Variants in TNIK observed in about 807,000 individuals in gnomAD.
The protein encoded by TNIK is TRAF2 and NCK-interacting protein kinase.
TNIK carries 49 observed loss-of-function variants against 191.3 expected under a neutral mutation model. That is an observed-to-expected ratio of 0.26 (90% CI 0.20 to 0.32). The LOEUF (loss-of-function observed/expected upper bound fraction) is 0.32. Among genes scored for constraint, TNIK ranks in the 10% least tolerant of loss-of-function variants. The pLI, the probability that TNIK is intolerant of heterozygous loss-of-function variation, is 1.00. For missense variants in TNIK, 1,155 were observed against 1,702.3 expected (o/e 0.68, Z 5.66); for synonymous variants, 594 against 600.9 (o/e 0.99, Z 0.17).
At chr3:171,073,356 A>G (rs1400317482) in intron 28 of TNIK, among the ~76,000 whole-genome samples, 1 of 152,154 alleles carries the variant, frequency 6.6e-6, no homozygotes, top group African/African-American at 2.4e-5. Flanking sequence ...CTAGATCCTT[A>G]TCTCTTACCA....
At chr3:171,118,228 C>A (rs1263786491) in intron 18 of TNIK, among the ~76,000 whole-genome samples, 4 of 152,152 alleles carry the variant, frequency 2.6e-5, no homozygotes, top group Non-Finnish European at 5.9e-5. Context: ...ATCCAACTTA[C>A]AAGGGACGTG....
At chr3:171,113,011 T>C (rs191525455) in intron 18 of TNIK, among the ~76,000 whole-genome samples, 1 of 152,184 alleles carries the variant, frequency 6.6e-6, no homozygotes, top group African/African-American at 2.4e-5. Context: ...TATGAGTGTA[T>C]AAAGGTATGA....
intron 2 of TNIK, among the ~76,000 whole-genome samples, chr3:171,234,520 C>T (rs929141574): frequency 6.6e-6 from 1 of 152,132 alleles, no homozygotes; most frequent in Non-Finnish European, 1.5e-5. Flanking sequence ...CTCTGAGTGA[C>T]AGAAAATGGA....
intron 28 of TNIK, 96 bp downstream of exon 28, chr3:171,079,422 A>G: frequency 7.0e-7 from 1 of 1,421,910 alleles, no homozygotes. Context: ...TCACACATGC[A>G]TCATCAATCT....
intron 2 of TNIK, among the ~76,000 whole-genome samples, chr3:171,288,592 A>C (rs1212534510): frequency 1.3e-5 from 2 of 152,100 alleles, no homozygotes; most frequent in African/African-American, 4.8e-5. Flanking sequence ...GCAGATCACA[A>C]GGTCAGGAGA....
chr3:171,125,067 A>G (rs1027023502), intron 17 of TNIK, among the ~76,000 whole-genome samples: 2 of 152,198 alleles, frequency 1.3e-5, no homozygotes, highest in Admixed American at 1.3e-4. Flanking sequence ...TGTATTTGTA[A>G]TTGAGTAAAA....
chr3:171,277,510 A>G (rs947756048), intron 2 of TNIK, among the ~76,000 whole-genome samples: 1 of 152,186 alleles, frequency 6.6e-6, no homozygotes, highest in African/African-American at 2.4e-5. Flanking sequence ...TAAAAAAAAA[A>G]CAAATTTCAG....
At chr3:171,200,594 A>G (rs1362502211) in intron 4 of TNIK, among the ~76,000 whole-genome samples, 5 of 152,116 alleles carry the variant, frequency 3.3e-5, no homozygotes, top group Admixed American at 6.5e-5. Context: ...TATTTAAGTA[A>G]AGGGTCCTCA....
chr3:171,403,000 C>T (rs1167597515), intron 1 of TNIK, among the ~76,000 whole-genome samples: 1 of 152,162 alleles, frequency 6.6e-6, no homozygotes, highest in Non-Finnish European at 1.5e-5. Context: ...TCCTTCCTTT[C>T]TCTGAAAGCT....
chr3:171,249,436 C>A (rs972708599), intron 2 of TNIK, among the ~76,000 whole-genome samples: 1 of 152,170 alleles, frequency 6.6e-6, no homozygotes, highest in African/African-American at 2.4e-5. Context: ...CATTACTAGA[C>A]AAGACAGAGT....
intron 27 of TNIK, among the ~76,000 whole-genome samples, chr3:171,080,682 G>A (rs1036313497): frequency 7.9e-5 from 12 of 152,012 alleles, no homozygotes; most frequent in Admixed American, 3.9e-4. Flanking sequence ...CAAATGATCC[G>A]CCCGCCTCGG....
At chr3:171,067,779 C>G (rs984322395) in intron 30 of TNIK, among the ~76,000 whole-genome samples, 2 of 152,038 alleles carry the variant, frequency 1.3e-5, no homozygotes, top group Non-Finnish European at 2.9e-5. Context: ...GCCATGGCAG[C>G]CCAACATGTG....
chr3:171,299,455 G>A (rs1452484772), intron 2 of TNIK, among the ~76,000 whole-genome samples: 1 of 152,160 alleles, frequency 6.6e-6, no homozygotes, highest in Non-Finnish European at 1.5e-5. Flanking sequence ...GAAGTGTGGA[G>A]AGCCAACATG....
In TNIK at chr3:171,218,465, G is replaced by A. The variant is rs566242404; in HGVS notation, c.181-7224C>T. The stretch of plus-strand genomic sequence containing the variant: ...GCTAAAGTCTACCATAAATGGCGTG[G>A]CTTATATCTTCAAGGATCCTAGATT... On this transcript the variant is annotated intron_variant, in intron 3 of 32. Coordinates refer to ENST00000436636, the MANE Select transcript of TNIK (RefSeq NM_015028.4). Among the ~76,000 whole-genome samples, 202 of 151,586 alleles carry A rather than the reference G, an allele frequency of 1.3e-3. 1 individual carries two copies. Among genetic ancestry groups the A allele is most frequent in the Middle Eastern group, 0.01 (3 of 286 alleles).
chr3:171,126,221 C>G lies in TNIK; in HGVS notation c.1774-70G>C. The G allele has an allele frequency of 2.1e-6, 3 of 1,398,506 alleles. No individual in the cohort carries two copies. The South Asian group carries it at 5.3e-5, about 25-fold the overall frequency. 86.6% of individuals were successfully genotyped at this position (1,398,506 alleles called of 1,614,324 possible). ...AGAGATCAGCCAGTACCTCAGTGAG[C>G]TGAAGGAAAAAAAAAAAAAAGTTCA... On this transcript the variant is annotated intron_variant, in intron 16 of 32. Transcript: ENST00000436636.
intron 1 of TNIK, among the ~76,000 whole-genome samples, chr3:171,427,548 C>CATATTAA (rs1157502189): frequency 6.6e-6 from 1 of 152,180 alleles, no homozygotes; most frequent in Non-Finnish European, 1.5e-5. Context: ...AATACAACAA[C>CATATTAA]ATATTAAAGC....
intron 21 of TNIK, among the ~76,000 whole-genome samples, chr3:171,102,900 ACAAC>A (rs1293900200): frequency 6.6e-6 from 1 of 152,218 alleles, no homozygotes; most frequent in Admixed American, 6.5e-5. Context: ...TTTTGAGAAT[ACAAC>A]AAAACATTGT....
At chr3:171,246,068 T>C in intron 2 of TNIK, among the ~76,000 whole-genome samples, 1 of 152,012 alleles carries the variant, frequency 6.6e-6, no homozygotes, top group African/African-American at 2.4e-5. Flanking sequence ...AGGAGCTATG[T>C]GTGAGTGAGG....
chr3:171,283,808 G>T (rs1452971075), intron 2 of TNIK, among the ~76,000 whole-genome samples: 2 of 152,186 alleles, frequency 1.3e-5, no homozygotes, highest in Middle Eastern at 3.2e-3. Flanking sequence ...GGCAGTGATG[G>T]CGCTGCATGG....
Sources: allele counts gnomAD v4.1 joint callset (sites outside exome capture counted in the v4.1 genomes callset), GRCh38; gene constraint gnomAD v4.1.1; transcripts MANE v1.5; gene names NCBI Gene and HGNC (gene_info 2026-07-23, HGNC 2026-07-21).